ANTXR1: variants seen among roughly 807,000 people sequenced by gnomAD.
ANTXR1 encodes anthrax toxin receptor 1.
Under a neutral mutation model 78.1 loss-of-function variants are expected in ANTXR1, and 19 were observed. That is an observed-to-expected ratio of 0.24 (90% confidence interval 0.17 to 0.36). The LOEUF (loss-of-function observed/expected upper bound fraction) is 0.36, where lower values mean the gene tolerates loss of function less well. ANTXR1 is among the 10% of genes least tolerant of loss of function. The probability of loss-of-function intolerance (pLI) is 1.00; values close to 1 mark genes in which losing one functional copy is unlikely to be tolerated. For missense variants in ANTXR1, 518 were observed against 718.6 expected (o/e 0.72, Z 3.19); for synonymous variants, 273 against 260.5 (o/e 1.05, Z -0.46).
At chr2:69,056,147 G>A (rs893985601) in intron 3 of ANTXR1, among the ~76,000 whole-genome samples, 2 of 152,290 alleles carry the variant, frequency 1.3e-5, no homozygotes, top group African/African-American at 2.4e-5. Context: ...AGACAGCAAG[G>A]TAAACTTTAG....
intron 1 of ANTXR1, among the ~76,000 whole-genome samples, chr2:69,020,404 T>G (rs1285781208): frequency 1.3e-5 from 2 of 151,926 alleles, no homozygotes; most frequent in Admixed American, 1.3e-4. Context: ...CTGTTTTGTT[T>G]TGTTTTGTTT....
chr2:69,228,228 A>G (rs1675511127), intron 17 of ANTXR1, among the ~76,000 whole-genome samples: 1 of 152,210 alleles, frequency 6.6e-6, no homozygotes, highest in Admixed American at 6.5e-5. Flanking sequence ...TACACAAGGC[A>G]CTTCTCCAGG....
intron 8 of ANTXR1, among the ~76,000 whole-genome samples, chr2:69,077,691 A>C (rs1670779096): frequency 6.6e-6 from 1 of 152,174 alleles, no homozygotes; most frequent in Admixed American, 6.5e-5. Context: ...CCTGCAGTGG[A>C]AAATTAACAA....
intron 17 of ANTXR1, among the ~76,000 whole-genome samples, chr2:69,197,936 T>C (rs1002871435): frequency 3.3e-5 from 5 of 152,248 alleles, no homozygotes; most frequent in African/African-American, 1.2e-4. Flanking sequence ...CACGTCACCA[T>C]TGTCAAGGAA....
intron 1 of ANTXR1, among the ~76,000 whole-genome samples, chr2:69,028,746 G>A (rs1014962199): frequency 4.6e-5 from 7 of 152,088 alleles, no homozygotes; most frequent in African/African-American, 1.7e-4. Flanking sequence ...CGTGAGAAAG[G>A]AACAAGCTGA....
At chr2:69,206,622 G>A (rs974204094) in intron 17 of ANTXR1, among the ~76,000 whole-genome samples, 3 of 152,226 alleles carry the variant, frequency 2.0e-5, no homozygotes, top group African/African-American at 7.2e-5. Context: ...CATTGCTTTA[G>A]TGTCCCACCA....
intron 9 of ANTXR1, among the ~76,000 whole-genome samples, chr2:69,091,243 C>T (rs904362272): frequency 6.6e-6 from 1 of 151,814 alleles, no homozygotes; most frequent in East Asian, 1.9e-4. Context: ...AGTTTGAGAC[C>T]AGCCTGGCCA....
chr2:69,182,014 A>T (rs775950199), intron 15 of ANTXR1, 133 bp downstream of exon 15: 66 of 861,916 alleles, frequency 7.7e-5, no homozygotes, highest in Non-Finnish European at 1.1e-4. Flanking sequence ...CACACTGATG[A>T]CTCAATGTCA....
At chr2:69,157,833 G>C (rs1464152085) in intron 13 of ANTXR1, among the ~76,000 whole-genome samples, 1 of 152,186 alleles carries the variant, frequency 6.6e-6, no homozygotes, top group East Asian at 1.9e-4. Context: ...CTTCATTAAA[G>C]AGACTTTTCA....
chr2:69,145,456 T>C, intron 12 of ANTXR1: 1 of 1,537,542 alleles, frequency 6.5e-7, no homozygotes, highest in African/African-American at 1.4e-5. Flanking sequence ...CGGTTTACAC[T>C]TTCCTTATTT....
chr2:69,092,347 A>C (rs908858055), intron 9 of ANTXR1, among the ~76,000 whole-genome samples: 9 of 152,240 alleles, frequency 5.9e-5, no homozygotes, highest in Non-Finnish European at 1.3e-4. Context: ...AGGTGCACTA[A>C]AAAATCGGTG....
intron 12 of ANTXR1, among the ~76,000 whole-genome samples, chr2:69,126,566 C>T (rs1181126185): frequency 1.3e-5 from 2 of 152,018 alleles, no homozygotes; most frequent in African/African-American, 4.8e-5. Context: ...AGTGATCCAA[C>T]AGTTGGATCT....
In ANTXR1 at chr2:69,247,023, C is replaced by T. The variant is rs1343151800; in HGVS notation, c.*1538C>T. On this transcript the variant is annotated 3_prime_UTR_variant, in exon 18 of 18. Coordinates refer to ENST00000303714, the MANE Select transcript of ANTXR1 (RefSeq NM_032208.3). Reference sequence around the variant, plus strand: ...ACATCAAGCCAGCTTCATTCACTCACTTTACTTAGAACAGAGATATAAGGG... The same window carrying T: ...ACATCAAGCCAGCTTCATTCACTCATTTTACTTAGAACAGAGATATAAGGG... 1 of 152,198 alleles carries T rather than the reference C, an allele frequency of 6.6e-6. No homozygotes were observed. The highest frequency in any genetic ancestry group is 1.5e-5 in the Non-Finnish European group (1 of 68,030). The allele number at this position is 152,198 out of a possible 1,614,324, so 9.4% of individuals were successfully genotyped here.
intron 12 of ANTXR1, chr2:69,145,400 C>T (rs549569239): frequency 2.7e-5 from 42 of 1,583,542 alleles, no homozygotes; most frequent in Admixed American, 2.3e-4. Flanking sequence ...CTGCTCCCTC[C>T]GGACAGCACA....
intron 4 of ANTXR1, 133 bp downstream of exon 4, chr2:69,070,861 C>T: frequency 1.2e-6 from 1 of 803,702 alleles, no homozygotes; most frequent in Non-Finnish European, 2.1e-6. Flanking sequence ...ACATTTTCTT[C>T]CCATAAGCTT....
chr2:69,227,587 G>A (rs183383768), intron 17 of ANTXR1, among the ~76,000 whole-genome samples: 14 of 152,206 alleles, frequency 9.2e-5, no homozygotes, highest in African/African-American at 2.2e-4. Flanking sequence ...TTCAACTATC[G>A]AACTTTTTTT....
At chr2:69,040,953 A>T (rs1257210733) in intron 2 of ANTXR1, among the ~76,000 whole-genome samples, 1 of 152,186 alleles carries the variant, frequency 6.6e-6, no homozygotes, top group Non-Finnish European at 1.5e-5. Flanking sequence ...AATACAGGTT[A>T]TCCTCTAAGC....
chr2:69,222,010 C>G (rs1392091265), intron 17 of ANTXR1, among the ~76,000 whole-genome samples: 1 of 152,192 alleles, frequency 6.6e-6, no homozygotes, highest in Non-Finnish European at 1.5e-5. Flanking sequence ...CCCATTAATT[C>G]AAAGCCTGAG....
intron 3 of ANTXR1, among the ~76,000 whole-genome samples, chr2:69,067,602 C>G (rs536711336): frequency 6.6e-6 from 1 of 152,266 alleles, no homozygotes; most frequent in Admixed American, 6.5e-5. Flanking sequence ...ACCTAACTGT[C>G]AGAAATTATC....
Sources: gnomAD v4.1 joint callset for allele counts (sites outside exome capture counted in the v4.1 genomes callset) on GRCh38, gnomAD v4.1.1 for gene constraint, MANE v1.5 for transcripts, NCBI Gene and HGNC (gene_info 2026-07-23, HGNC 2026-07-21) for gene names.